Variants in EGF observed in about 807,000 individuals in gnomAD.
EGF encodes the protein epidermal growth factor, also known as pro-epidermal growth factor.
A neutral mutation model predicts 143.8 loss-of-function variants in EGF; 95 were observed. That is an observed-to-expected ratio of 0.66 (90% CI 0.56 to 0.78). The LOEUF is 0.78. Among genes scored for constraint, EGF ranks in the 30% least tolerant of loss-of-function variants. The pLI, the probability that EGF is intolerant of heterozygous loss-of-function variation, is 0.00. For missense variants in EGF, 1,320 were observed against 1,470.9 expected (o/e 0.90, Z 1.68); for synonymous variants, 510 against 510.5 (o/e 1.00, Z 0.01).
chr4:109,964,453 T>C lies in EGF; in HGVS notation c.1491T>C (p.His497=), dbSNP rs377445081. The C allele has an allele frequency of 1.7e-4, 278 of 1,613,868 alleles. No homozygotes were observed. Among genetic ancestry groups the C allele is most frequent in the Non-Finnish European group, 2.0e-4 (241 of 1,179,888 alleles). Residue 497 remains histidine (H), a synonymous_variant, in exon 10 of 24, where the codon CAT becomes CAC. Coordinates refer to ENST00000265171, the MANE Select transcript of EGF (RefSeq NM_001963.6). ...ATTCTCAAGATATTCGACACATGCA[T>C]TTTGATGGAACAGACTATGGAACTC... The part of the protein sequence containing the change: ...FANSQDIRHM[H]FDGTDYGTLL...
chr4:110,004,978 A>C (rs995183300), intron 22 of EGF, among the ~76,000 whole-genome samples: 1 of 151,182 alleles, frequency 6.6e-6, no homozygotes, highest in Non-Finnish European at 1.5e-5. Flanking sequence ...TAAAAACCCA[A>C]GATTGTGCTT....
Position 110,013,694 on chromosome 4 carries a change from A to G in EGF, c.*2239A>G, listed in dbSNP as rs577891932. ...CCTGATTGAGCTTCTGTTTGACTAA[A>G]TATCACCTACTATGTAAAAAATGAG... On this transcript the variant is annotated 3_prime_UTR_variant, in exon 24 of 24. Transcript: ENST00000265171. Among the ~76,000 whole-genome samples the G allele has an allele frequency of 3.9e-5, 6 of 152,206 alleles. No individual in the cohort carries two copies. The highest frequency in any genetic ancestry group is 1.4e-4 in the African/African-American group (6 of 41,540).
rs771648861 is a variant in EGF, at chr4:109,994,779, C to T, written c.2904C>T (p.Ser968=). The T allele has an allele frequency of 9.3e-6, 15 of 1,613,960 alleles. No homozygotes were observed. The highest frequency in any genetic ancestry group is 2.2e-5 in the South Asian group (2 of 91,084). The change falls in exon 20 of 24, where the codon TCC becomes TCT. Residue 968 remains serine (S), a synonymous_variant. Transcript: ENST00000265171. ...PHLREDDHHY[S]VRNSDSECPL... is the part of the protein sequence containing the mutation. ...TCAGGGAAGATGACCACCACTATTC[C>T]GTAAGAAATAGTGACTCTGAATGTC...
At position 110,013,126 on chromosome 4, in the gene EGF, G is replaced by C. The variant is rs1398496940; in HGVS notation, c.*1671G>C. On this transcript the variant is annotated 3_prime_UTR_variant, in exon 24 of 24. Coordinates refer to ENST00000265171, the MANE Select transcript of EGF (RefSeq NM_001963.6). ...TGCTTTCATTGACAATATCCTGGAG[G>C]ATCAGAAGACTTGTCTATTTCTGCT... is the stretch of plus-strand genomic sequence containing the variant. Among the ~76,000 whole-genome samples the C allele has an allele frequency of 6.6e-6, 1 of 152,082 alleles. No homozygotes were observed. The highest frequency in any genetic ancestry group is 1.5e-5 in the Non-Finnish European group (1 of 68,016).
chr4:109,915,375 A>T (rs569579217), intron 1 of EGF, among the ~76,000 whole-genome samples: 1 of 152,208 alleles, frequency 6.6e-6, no homozygotes, highest in East Asian at 1.9e-4. Context: ...TGCTTAGCAG[A>T]GTATGCTCAA....
intron 1 of EGF, among the ~76,000 whole-genome samples, chr4:109,938,849 C>A (rs1231159349): frequency 6.6e-6 from 1 of 152,158 alleles, no homozygotes; most frequent in Non-Finnish European, 1.5e-5. Flanking sequence ...CCAGTGGAGG[C>A]TACAGAAGAG....
At chr4:109,983,283 T>C (rs1749652675) in intron 15 of EGF, 139 bp from the exon 16 acceptor site, 3 of 980,346 alleles carry the variant, frequency 3.1e-6, no homozygotes, top group South Asian at 2.9e-5. Context: ...ACCAAGACCC[T>C]GACAGTTTCT....
intron 23 of EGF, 49 bp downstream of exon 23, chr4:110,008,279 C>G (rs1753581482): frequency 6.2e-7 from 1 of 1,601,832 alleles, no homozygotes; most frequent in Non-Finnish European, 8.5e-7. Flanking sequence ...TTACTTAGAT[C>G]CTGACTGTTT....
At chr4:110,008,706 T>C (rs921030381) in intron 23 of EGF, among the ~76,000 whole-genome samples, 4 of 152,220 alleles carry the variant, frequency 2.6e-5, no homozygotes, top group Non-Finnish European at 4.4e-5. Context: ...ATCAGGGGCA[T>C]GACCTTAGCC....
At chr4:109,933,407 T>C (rs1030510464) in intron 1 of EGF, among the ~76,000 whole-genome samples, 2 of 150,776 alleles carry the variant, frequency 1.3e-5, no homozygotes, top group African/African-American at 4.9e-5. Context: ...CAGCCTCTTG[T>C]AGCATTTCTT....
At chr4:109,917,266 G>T (rs1343861919) in intron 1 of EGF, among the ~76,000 whole-genome samples, 2 of 152,108 alleles carry the variant, frequency 1.3e-5, no homozygotes, top group African/African-American at 4.8e-5. Flanking sequence ...TACATTTTGG[G>T]GCTAATTTGA....
At chr4:109,955,972 A>T (rs1375683526) in intron 5 of EGF, among the ~76,000 whole-genome samples, 1 of 152,200 alleles carries the variant, frequency 6.6e-6, no homozygotes, top group East Asian at 1.9e-4. Flanking sequence ...AAAAAAGAAA[A>T]ATATATACTG....
In EGF at chr4:109,969,261, G is replaced by A. The variant is rs900295444; in HGVS notation, c.1724+142G>A. 47 of 1,042,650 alleles carry A rather than the reference G, an allele frequency of 4.5e-5. 1 individual carries two copies. The highest frequency in any genetic ancestry group is 2.4e-4 in the Middle Eastern group (1 of 4,088). 64.6% of individuals were successfully genotyped at this position (1,042,650 alleles called of 1,614,324 possible). ...ATTGGAGAAAAGAGGCCACCATTGC[G>A]GTCCACACTCCCTCCACTTCCTCCT... On this transcript the variant is annotated intron_variant, in intron 11 of 23. Transcript: ENST00000265171.
At chr4:109,961,075 C>G (rs1216565229) in intron 7 of EGF, 86 bp downstream of exon 7, 59 of 1,446,856 alleles carry the variant, frequency 4.1e-5, no homozygotes, top group Non-Finnish European at 5.4e-5. Context: ...GGTTGGTGAT[C>G]TTCAATCAGC....
chr4:109,943,733 C>A, intron 3 of EGF, 109 bp from the exon 4 acceptor site: 1 of 959,166 alleles, frequency 1.0e-6, no homozygotes, highest in South Asian at 1.4e-5. Context: ...AATTTTCATT[C>A]AAAATAGTCA....
rs1250941435 is a variant in EGF, at chr4:109,943,301, GA to G, written c.376del (p.Ile126Ter). Reference protein sequence around the residue: ...KNVSGMAINWINEEVIWSNQQ... With the variant: ...KNVSGMAINWXNEEVIWSNQQ... ...ATGTTTCTGGAATGGCAATAAATTG[GA>G]TAAATGAAGAAGTTATTTGGTCAAA... On this transcript the variant is annotated frameshift_variant, in exon 3 of 24. Coordinates refer to ENST00000265171, the MANE Select transcript of EGF (RefSeq NM_001963.6). LOFTEE classifies it high-confidence loss of function. The G allele has an allele frequency of 3.7e-6, 6 of 1,609,536 alleles. No individual in the cohort carries two copies. The East Asian group carries it at 1.3e-4, about 36-fold the overall frequency.
chr4:109,953,265 A>G (rs1036290532), intron 5 of EGF, among the ~76,000 whole-genome samples: 1 of 152,224 alleles, frequency 6.6e-6, no homozygotes, highest in South Asian at 2.1e-4. Context: ...AGCCTGGTCC[A>G]GCCACTGCAA....
chr4:109,954,118 C>A (rs1233471869), intron 5 of EGF, among the ~76,000 whole-genome samples: 1 of 152,178 alleles, frequency 6.6e-6, no homozygotes, highest in Non-Finnish European at 1.5e-5. Context: ...GTGGCATGAT[C>A]TTGGCTCACT....
chr4:109,971,225 G>A (rs373741448), intron 11 of EGF, among the ~76,000 whole-genome samples: 13 of 152,226 alleles, frequency 8.5e-5, no homozygotes, highest in African/African-American at 2.2e-4. Context: ...ATGTACCACC[G>A]CCCCAAGCCA....
Sources: gnomAD v4.1 joint callset for allele counts (sites outside exome capture counted in the v4.1 genomes callset) on GRCh38, gnomAD v4.1.1 for gene constraint, MANE v1.5 for transcripts, NCBI Gene and HGNC (gene_info 2026-07-23, HGNC 2026-07-21) for gene names.